SPAG9: variants seen among roughly 807,000 people sequenced by gnomAD.
SPAG9 encodes the protein sperm associated antigen 9, also known as C-Jun-amino-terminal kinase-interacting protein 4.
SPAG9 carries 35 observed loss-of-function variants against 166.5 expected under a neutral mutation model. That is an observed-to-expected ratio of 0.21 (90% confidence interval 0.16 to 0.28). The LOEUF is 0.28. Among genes scored for constraint, SPAG9 ranks in the 10% least tolerant of loss-of-function variants. SPAG9 has a pLI of 1.00. For synonymous variants in SPAG9, 534 were observed against 565.5 expected, an observed-to-expected ratio of 0.94 and a Z score of 0.79; for missense variants, 1,235 against 1,603.3, an observed-to-expected ratio of 0.77 and a Z score of 3.92.
At chr17:50,999,486 C>T in intron 14 of SPAG9, 175 bp downstream of exon 14, 2 of 1,480,266 alleles carry the variant, frequency 1.4e-6, no homozygotes, top group South Asian at 1.3e-5. Flanking sequence ...CGAGTTGGCA[C>T]ACTATATATT....
chr17:51,019,120 A>G (rs2144154377), intron 8 of SPAG9, among the ~76,000 whole-genome samples: 1 of 152,266 alleles, frequency 6.6e-6, no homozygotes, highest in Non-Finnish European at 1.5e-5. Flanking sequence ...CTATGTGAAG[A>G]CACAGAGTTC....
intron 1 of SPAG9, among the ~76,000 whole-genome samples, chr17:51,091,212 G>T: frequency 6.6e-6 from 1 of 150,844 alleles, no homozygotes; most frequent in East Asian, 1.9e-4. Flanking sequence ...GGCAGAGGTT[G>T]CAGTGAGCTG....
intron 13 of SPAG9, among the ~76,000 whole-genome samples, chr17:51,000,030 C>A (rs1243245873): frequency 1.3e-5 from 2 of 152,210 alleles, no homozygotes; most frequent in African/African-American, 4.8e-5. Flanking sequence ...AAGATACCCT[C>A]TAACTTTCCC....
At chr17:51,095,701 G>GATAT (rs1014606328) in intron 1 of SPAG9, among the ~76,000 whole-genome samples, 9 of 144,134 alleles carry the variant, frequency 6.2e-5, no homozygotes, top group East Asian at 2.0e-4. Flanking sequence ...TATATATAGT[G>GATAT]ATATATATAG....
At chr17:51,000,262 A>G (rs970943937) in intron 13 of SPAG9, among the ~76,000 whole-genome samples, 2 of 152,208 alleles carry the variant, frequency 1.3e-5, no homozygotes, top group Admixed American at 6.5e-5. Flanking sequence ...GATATTCCAA[A>G]TTGATTTATG....
Position 51,076,989 on chromosome 17 carries a change from GCTATCTAGCTAT to G in SPAG9, c.424+2583_424+2594del, listed in dbSNP as rs1447127527. Among the ~76,000 whole-genome samples the G allele has an allele frequency of 3.0e-4, 30 of 100,762 alleles. 1 individual carries two copies. Among genetic ancestry groups the G allele is most frequent in the African/African-American group, 1.2e-3 (29 of 24,838 alleles). 66.1% of individuals were successfully genotyped at this position (100,762 alleles called of 152,430 possible). On this transcript the variant is annotated intron_variant, in intron 2 of 29. Transcript: ENST00000262013. ...TGTCTCTATCTATCTATCTTATCTA[GCTATCTAGCTAT>G]CTAGCTAGCTAGCTAGCTATCTAGC...
intron 6 of SPAG9, among the ~76,000 whole-genome samples, chr17:51,026,414 G>A (rs2046176089): frequency 6.6e-6 from 1 of 151,052 alleles, no homozygotes; most frequent in African/African-American, 2.4e-5. Flanking sequence ...AAGGTTTCAG[G>A]CTACAAGGAA....
intron 1 of SPAG9, among the ~76,000 whole-genome samples, chr17:51,088,288 T>C (rs1024152659): frequency 3.3e-5 from 5 of 152,208 alleles, no homozygotes; most frequent in Non-Finnish European, 5.9e-5. Flanking sequence ...GGCAGCATGA[T>C]GATATTTACT....
chr17:51,041,460 T>C, intron 5 of SPAG9, 41 bp downstream of exon 5: 1 of 1,584,272 alleles, frequency 6.3e-7, no homozygotes, highest in South Asian at 1.1e-5. Flanking sequence ...AGAAAGTTTA[T>C]GAAATATAAA....
At chr17:51,013,996 G>C (rs1417969860) in intron 9 of SPAG9, among the ~76,000 whole-genome samples, 1 of 152,018 alleles carries the variant, frequency 6.6e-6, no homozygotes, top group Non-Finnish European at 1.5e-5. Context: ...AAATTGTGTT[G>C]TATGAATTCA....
At position 50,985,685 on chromosome 17, in the gene SPAG9, A is replaced by G. The variant is rs1467698306; in HGVS notation, c.3020+13T>C. 2.0e-6 allele frequency: 3 copies of G among 1,516,030 alleles called. No individual in the cohort carries two copies. Among genetic ancestry groups the G allele is most frequent in the Non-Finnish European group, 2.7e-6 (3 of 1,098,688 alleles). 93.9% of individuals were successfully genotyped at this position (1,516,030 alleles called of 1,614,324 possible). A position where few individuals can be genotyped will look rare whatever the true frequency, so the allele number is the denominator to read the frequency against. On this transcript the variant is annotated intron_variant, in intron 23 of 29. Coordinates refer to ENST00000262013, the MANE Select transcript of SPAG9 (RefSeq NM_001130528.3). ...ATAGTTTTAACAAGAAGAATTTCCA[A>G]AATAAAACTTACACAATACTGAGAA...
intron 2 of SPAG9, among the ~76,000 whole-genome samples, chr17:51,057,571 T>C (rs1383348814): frequency 2.0e-5 from 3 of 152,186 alleles, no homozygotes; most frequent in Non-Finnish European, 2.9e-5. Flanking sequence ...AAACAAAACA[T>C]ACCTTGTGCT....
In SPAG9 at chr17:51,096,020, G is replaced by GTGATATATATATATATAA. The variant is rs2048632491; in HGVS notation, c.304-16317_304-16316insTTATATATATATATATCA. ...ATATATATAGTGATATATATATATA[G>GTGATATATATATATATAA]TGATATATATATATAGTGATATATA... On this transcript the variant is annotated intron_variant, in intron 1 of 29. Transcript: ENST00000262013. Among the ~76,000 whole-genome samples, 2 of 92,028 alleles carry GTGATATATATATATATAA rather than the reference G, an allele frequency of 2.2e-5. 1 individual carries two copies. The highest frequency in any genetic ancestry group is 4.3e-5 in the Non-Finnish European group (2 of 46,024). 60.4% of individuals were successfully genotyped at this position (92,028 alleles called of 152,430 possible). A position where few individuals can be genotyped will look rare whatever the true frequency, so the allele number is the denominator to read the frequency against.
intron 28 of SPAG9, among the ~76,000 whole-genome samples, 194 bp downstream of exon 28, chr17:50,974,577 G>A (rs564741353): frequency 7.0e-4 from 107 of 152,170 alleles, no homozygotes; most frequent in Middle Eastern, 3.2e-3. Context: ...GGGGGTGGGA[G>A]AGATATTCCA....
intron 15 of SPAG9, among the ~76,000 whole-genome samples, chr17:50,997,782 C>G (rs2044742178): frequency 6.6e-6 from 1 of 152,016 alleles, no homozygotes; most frequent in Admixed American, 6.6e-5. Flanking sequence ...GTAGTAAAGT[C>G]AGGATGGAAA....
chr17:51,077,365 G>A (rs1010529355), intron 2 of SPAG9, among the ~76,000 whole-genome samples: 2 of 151,614 alleles, frequency 1.3e-5, no homozygotes, highest in African/African-American at 2.4e-5. Flanking sequence ...CAGGTGATTC[G>A]CCCGCCTCGA....
At chr17:51,109,063 T>C (rs1173005165) in intron 1 of SPAG9, among the ~76,000 whole-genome samples, 2 of 151,820 alleles carry the variant, frequency 1.3e-5, no homozygotes, top group Non-Finnish European at 2.9e-5. Flanking sequence ...GGTTTCTCCA[T>C]GTTGGTCAGG....
intron 25 of SPAG9, among the ~76,000 whole-genome samples, chr17:50,980,457 G>A (rs1461396710): frequency 1.3e-5 from 2 of 151,756 alleles, no homozygotes; most frequent in Non-Finnish European, 2.9e-5. Flanking sequence ...TGCCCACCTC[G>A]GCCTTCCAAA....
intron 3 of SPAG9, among the ~76,000 whole-genome samples, chr17:51,052,123 T>C (rs1350150578): frequency 3.3e-5 from 5 of 152,206 alleles, no homozygotes; most frequent in Non-Finnish European, 1.5e-5. Flanking sequence ...CACGGTAGGT[T>C]TCCCTTAAGC....
Sources: gnomAD v4.1 joint callset for allele counts (sites outside exome capture counted in the v4.1 genomes callset) on GRCh38, gnomAD v4.1.1 for gene constraint, MANE v1.5 for transcripts, NCBI Gene and HGNC (gene_info 2026-07-23, HGNC 2026-07-21) for gene names.